Variants in SCAMP5 observed in about 807,000 individuals in gnomAD.
SCAMP5 encodes the protein secretory carrier-associated membrane protein 5.
A neutral mutation model predicts 28.3 loss-of-function variants in SCAMP5; 7 were observed. The observed-to-expected ratio is 0.25, with a 90% CI of 0.14 to 0.46. The LOEUF (loss-of-function observed/expected upper bound fraction) is 0.46. SCAMP5 is among the 20% of genes least tolerant of loss of function. SCAMP5 has a pLI of 0.99. For synonymous variants in SCAMP5, 117 were observed against 116.4 expected (o/e 1.00, Z -0.03); for missense variants, 192 against 312.5 (o/e 0.61, Z 2.91).
intron 1 of SCAMP5, among the ~76,000 whole-genome samples, chr15:75,008,991 T>C (rs1422017306): frequency 2.0e-5 from 3 of 152,232 alleles, no homozygotes; most frequent in Non-Finnish European, 4.4e-5. Flanking sequence ...GGAAAATATA[T>C]TCTTATTATC....
At chr15:75,007,229 G>T (rs989299469) in intron 1 of SCAMP5, among the ~76,000 whole-genome samples, 2 of 152,012 alleles carry the variant, frequency 1.3e-5, no homozygotes, top group South Asian at 2.1e-4. Flanking sequence ...ACCTTTCCGC[G>T]GTCTGAATTG....
chr15:74,998,897 T>C (rs2065676959), intron 1 of SCAMP5, among the ~76,000 whole-genome samples: 1 of 152,198 alleles, frequency 6.6e-6, no homozygotes. Context: ...TTTGGGAGAT[T>C]GTCTGGGACC....
chr15:75,009,484 C>CT (rs1009483443), intron 1 of SCAMP5, among the ~76,000 whole-genome samples: 1 of 64,894 alleles, frequency 1.5e-5, no homozygotes, highest in Non-Finnish European at 3.7e-5. Flanking sequence ...TGTGTGTGTG[C>CT]TTTTTTTCCT....
At chr15:75,014,348 G>A (rs1242363026) in intron 3 of SCAMP5, among the ~76,000 whole-genome samples, 2 of 150,538 alleles carry the variant, frequency 1.3e-5, no homozygotes, top group Admixed American at 1.3e-4. Context: ...GTCTGTAGAT[G>A]TTGGGAAGCA....
chr15:75,002,409 T>G (rs1003922236), intron 1 of SCAMP5, among the ~76,000 whole-genome samples: 4 of 152,068 alleles, frequency 2.6e-5, no homozygotes, highest in African/African-American at 9.7e-5. Flanking sequence ...GACCCCCAGC[T>G]GCAGCCCTCC....
intron 1 of SCAMP5, among the ~76,000 whole-genome samples, chr15:75,003,346 C>G (rs187308870): frequency 3.1e-4 from 47 of 152,312 alleles, no homozygotes; most frequent in African/African-American, 1.1e-3. Flanking sequence ...TGCTTCCCAC[C>G]TACTCTATAT....
intron 3 of SCAMP5, among the ~76,000 whole-genome samples, chr15:75,015,454 G>GT (rs1567030391): frequency 6.7e-6 from 1 of 149,918 alleles, no homozygotes; most frequent in Admixed American, 6.6e-5. Context: ...GGGGACAGAG[G>GT]GGGGGGGGCC....
At chr15:75,012,916 C>A in intron 3 of SCAMP5, 111 bp downstream of exon 3, 1 of 1,067,622 alleles carries the variant, frequency 9.4e-7, no homozygotes, top group Non-Finnish European at 1.4e-6. Context: ...TTCAGTCCCA[C>A]TTGTGGCATA....
intron 3 of SCAMP5, among the ~76,000 whole-genome samples, chr15:75,013,640 GT>G (rs1204250222): frequency 6.6e-6 from 1 of 152,082 alleles, no homozygotes; most frequent in Non-Finnish European, 1.5e-5. Flanking sequence ...TTTGAGACCA[GT>G]ATGGGCAACA....
intron 4 of SCAMP5, among the ~76,000 whole-genome samples, chr15:75,017,421 AGTGCCAATTAGCTACTGTTTTG>A (rs2065868512): frequency 6.6e-6 from 1 of 152,156 alleles, no homozygotes; most frequent in Non-Finnish European, 1.5e-5. Flanking sequence ...CATCCATCTA[AGTGCCAATTAGCTACTGTTTTG>A]GTGCCAATAG....
At chr15:75,003,759 A>G (rs1475479499) in intron 1 of SCAMP5, among the ~76,000 whole-genome samples, 1 of 152,160 alleles carries the variant, frequency 6.6e-6, no homozygotes, top group Non-Finnish European at 1.5e-5. Flanking sequence ...GCAGTGAGCT[A>G]TGATTGCACC....
chr15:75,011,922 T>C, intron 2 of SCAMP5, 76 bp downstream of exon 2: 2 of 1,277,420 alleles, frequency 1.6e-6, no homozygotes, highest in Non-Finnish European at 2.3e-6. Flanking sequence ...CTGGTTCCCT[T>C]ATCTCCCCTA....
chr15:75,013,943 G>C (rs1247779188), intron 3 of SCAMP5, among the ~76,000 whole-genome samples: 3 of 152,024 alleles, frequency 2.0e-5, no homozygotes, highest in African/African-American at 7.3e-5. Flanking sequence ...GTAGCAGGGG[G>C]TGGGAAAGGT....
At chr15:75,006,090 C>T (rs976042076) in intron 1 of SCAMP5, among the ~76,000 whole-genome samples, 12 of 150,592 alleles carry the variant, frequency 8.0e-5, no homozygotes, top group Non-Finnish European at 1.2e-4. Flanking sequence ...CTCCGCCTCC[C>T]GGGTTCAAGC....
intron 3 of SCAMP5, among the ~76,000 whole-genome samples, chr15:75,015,995 A>G (rs2065856519): frequency 6.6e-6 from 1 of 151,566 alleles, no homozygotes. Context: ...TGCCTGCCCC[A>G]TTTAAGTGCA....
At chr15:75,017,626 C>T in intron 4 of SCAMP5, 1 of 590,706 alleles carries the variant, frequency 1.7e-6, no homozygotes, top group Non-Finnish European at 3.0e-6. Context: ...GCCGTCCATC[C>T]ATGTACCAGT....
intron 1 of SCAMP5, among the ~76,000 whole-genome samples, chr15:75,001,098 G>A (rs531755413): frequency 1.3e-5 from 2 of 151,388 alleles, no homozygotes; most frequent in South Asian, 2.1e-4. Flanking sequence ...GTGAAACCCC[G>A]TCTCTACTAA....
chr15:74,997,396 A>C (rs953857744), intron 1 of SCAMP5: 4 of 152,234 alleles, frequency 2.6e-5, no homozygotes, highest in Non-Finnish European at 5.9e-5. Context: ...AAAGTGTCCA[A>C]GTCTTAAGCA....
At chr15:75,009,365 C>T (rs2065789593) in intron 1 of SCAMP5, among the ~76,000 whole-genome samples, 1 of 151,418 alleles carries the variant, frequency 6.6e-6, no homozygotes, top group Admixed American at 6.6e-5. Flanking sequence ...GATCCCATAT[C>T]ACAAAAGAGT....
Sources: allele counts gnomAD v4.1 joint callset (sites outside exome capture counted in the v4.1 genomes callset), GRCh38; gene constraint gnomAD v4.1.1; transcripts MANE v1.5; gene names NCBI Gene and HGNC (gene_info 2026-07-23, HGNC 2026-07-21).